Variants in NCKAP5 observed in about 807,000 individuals in gnomAD.
NCKAP5 encodes NCK associated protein 5.
NCKAP5 carries 92 observed loss-of-function variants against 167.0 expected under a neutral mutation model. The ratio of observed to expected loss-of-function variants is 0.55; its 90% CI spans 0.47 to 0.66. The LOEUF (loss-of-function observed/expected upper bound fraction) is 0.66. NCKAP5 is among the 30% of genes least tolerant of loss of function. NCKAP5 has a pLI of 0.00. For synonymous variants in NCKAP5, 891 were observed against 877.4 expected (o/e 1.02, Z -0.27); for missense variants, 2,378 against 2,315.0 (o/e 1.03, Z -0.56).
At chr2:133,550,927 A>T (rs1162692206) in intron 2 of NCKAP5, among the ~76,000 whole-genome samples, 28 of 151,802 alleles carry the variant, frequency 1.8e-4, no homozygotes, top group African/African-American at 6.3e-4. Context: ...AATGTACAAA[A>T]ATCACAAGCA....
Position 132,672,947 on chromosome 2 carries a change from A to T in NCKAP5, c.*342T>A. Reference sequence around the variant, plus strand: ...GCAATAGTTTATTGTTATCTCTATCAAGCGGTGCACCCCCCACCCCCCACC... The same window carrying T: ...GCAATAGTTTATTGTTATCTCTATCTAGCGGTGCACCCCCCACCCCCCACC... On this transcript the variant is annotated 3_prime_UTR_variant, in exon 20 of 20. Transcript: ENST00000409261. The T allele has an allele frequency of 5.9e-6, 4 of 672,544 alleles. No individual in the cohort carries two copies. The highest frequency in any genetic ancestry group is 7.3e-6 in the Non-Finnish European group (4 of 544,288). 41.7% of individuals were successfully genotyped at this position (672,544 alleles called of 1,614,324 possible).
chr2:133,459,202 T>G (rs969237655), intron 3 of NCKAP5, among the ~76,000 whole-genome samples: 30 of 152,278 alleles, frequency 2.0e-4, no homozygotes, highest in African/African-American at 7.0e-4. Context: ...ATTCCATGTA[T>G]GTTTTGTACA....
intron 8 of NCKAP5, among the ~76,000 whole-genome samples, chr2:132,921,075 T>C (rs1028597000): frequency 6.6e-6 from 1 of 151,702 alleles, no homozygotes; most frequent in Non-Finnish European, 1.5e-5. Flanking sequence ...CTGTATATAT[T>C]CCCAGAGAGG....
At chr2:132,863,504 T>C (rs968657569) in intron 10 of NCKAP5, among the ~76,000 whole-genome samples, 29 of 151,614 alleles carry the variant, frequency 1.9e-4, no homozygotes, top group Non-Finnish European at 4.0e-4. Context: ...ATATACTTTA[T>C]AGAGAGTCTT....
chr2:132,711,936 G>T (rs987822957), intron 19 of NCKAP5, among the ~76,000 whole-genome samples: 5 of 152,140 alleles, frequency 3.3e-5, no homozygotes, highest in Non-Finnish European at 4.4e-5. Flanking sequence ...GGGAGAATAA[G>T]CAGAAATAAA....
At chr2:132,945,486 T>C (rs1433909263) in intron 8 of NCKAP5, among the ~76,000 whole-genome samples, 3 of 151,772 alleles carry the variant, frequency 2.0e-5, no homozygotes, top group Admixed American at 1.3e-4. Flanking sequence ...GGATGCGTGA[T>C]AAGACACTAA....
At chr2:132,950,103 A>AAAAAAG (rs1407952542) in intron 8 of NCKAP5, among the ~76,000 whole-genome samples, 2 of 152,294 alleles carry the variant, frequency 1.3e-5, no homozygotes, top group East Asian at 1.9e-4. Context: ...CAAAAACAAT[A>AAAAAAG]AAAAAGAAAA....
intron 8 of NCKAP5, among the ~76,000 whole-genome samples, chr2:132,899,374 T>A (rs1447234504): frequency 6.6e-6 from 1 of 152,270 alleles, no homozygotes; most frequent in Non-Finnish European, 1.5e-5. Flanking sequence ...TCCAGGCCAC[T>A]GAAACTTTCT....
At chr2:132,846,114 GT>G (rs1688644496) in intron 11 of NCKAP5, among the ~76,000 whole-genome samples, 1 of 152,010 alleles carries the variant, frequency 6.6e-6, no homozygotes, top group African/African-American at 2.4e-5. Flanking sequence ...GCTCTTGCGT[GT>G]TTTTCTAATA....
At chr2:133,320,802 C>T (rs1681995710) in intron 3 of NCKAP5, among the ~76,000 whole-genome samples, 1 of 152,136 alleles carries the variant, frequency 6.6e-6, no homozygotes, top group Non-Finnish European at 1.5e-5. Flanking sequence ...TCCCATTTGG[C>T]CAGGAATGAG....
intron 4 of NCKAP5, among the ~76,000 whole-genome samples, chr2:133,249,300 G>C (rs1012353783): frequency 5.3e-5 from 8 of 152,202 alleles, no homozygotes; most frequent in Non-Finnish European, 1.0e-4. Flanking sequence ...GCTTCAGAAA[G>C]AGATGTGAGG....
chr2:133,233,113 T>A (rs531854404), intron 4 of NCKAP5, among the ~76,000 whole-genome samples: 1 of 152,272 alleles, frequency 6.6e-6, no homozygotes, highest in Middle Eastern at 3.4e-3. Context: ...TGCCACTGTG[T>A]CTGTGGGACG....
At chr2:133,050,889 A>T (rs768871101) in intron 6 of NCKAP5, among the ~76,000 whole-genome samples, 3 of 152,228 alleles carry the variant, frequency 2.0e-5, no homozygotes, top group Non-Finnish European at 4.4e-5. Flanking sequence ...TTATCACCAA[A>T]AAGAAAGAGG....
intron 16 of NCKAP5, 133 bp downstream of exon 16, chr2:132,773,683 T>G: frequency 1.4e-6 from 1 of 712,368 alleles, no homozygotes; most frequent in Non-Finnish European, 2.3e-6. Flanking sequence ...AAGGAGATAA[T>G]GGCAACCATG....
At chr2:133,007,980 C>A (rs1325808688) in intron 6 of NCKAP5, among the ~76,000 whole-genome samples, 1 of 152,152 alleles carries the variant, frequency 6.6e-6, no homozygotes, top group African/African-American at 2.4e-5. Context: ...TCTGAGTGCC[C>A]AGCAAAGAGA....
chr2:133,289,883 G>A (rs1679447083), intron 4 of NCKAP5, among the ~76,000 whole-genome samples: 1 of 152,144 alleles, frequency 6.6e-6, no homozygotes, highest in Admixed American at 6.6e-5. Flanking sequence ...ATCTTACATG[G>A]CCAGAGGAAG....
At chr2:133,593,682 A>G in the NCKAP5 span, among the ~76,000 whole-genome samples, 1 of 152,190 alleles carries the variant, frequency 6.6e-6, no homozygotes, top group Admixed American at 6.5e-5. Context: ...TTGTATGAGT[A>G]CATAATAGGT....
At chr2:133,496,218 A>G (rs3910163) in intron 3 of NCKAP5, among the ~76,000 whole-genome samples, 63,801 of 151,928 alleles carry the variant, frequency 0.42, 13,668 homozygotes, top group African/African-American at 0.51. Flanking sequence ...TCCTCACCTA[A>G]GAAACTGTTA....
At chr2:132,932,994 G>C (rs536701547) in intron 8 of NCKAP5, among the ~76,000 whole-genome samples, 1 of 143,756 alleles carries the variant, frequency 7.0e-6, no homozygotes, top group Non-Finnish European at 1.5e-5. Context: ...GAACGATCTC[G>C]GCTCACTGCA....
Sources: gnomAD v4.1 joint callset for allele counts (sites outside exome capture counted in the v4.1 genomes callset) on GRCh38, gnomAD v4.1.1 for gene constraint, MANE v1.5 for transcripts, NCBI Gene and HGNC (gene_info 2026-07-23, HGNC 2026-07-21) for gene names.